HIRA: variants seen among roughly 807,000 people sequenced by gnomAD.
HIRA encodes histone cell cycle regulator.
In HIRA, 13 loss-of-function variants were observed where a neutral mutation model predicts 126.6. The observed-to-expected ratio is 0.10, with a 90% CI of 0.07 to 0.16. The LOEUF (loss-of-function observed/expected upper bound fraction) is 0.16. Among genes scored for constraint, HIRA ranks in the 10% least tolerant of loss-of-function variants. HIRA has a pLI of 1.00. For synonymous variants in HIRA, 511 were observed against 520.0 expected (o/e 0.98, Z 0.24); for missense variants, 834 against 1,314.4 (o/e 0.63, Z 5.65).
At chr22:19,416,237 G>C (rs1429732089) in intron 1 of HIRA, among the ~76,000 whole-genome samples, 1 of 152,208 alleles carries the variant, frequency 6.6e-6, no homozygotes, top group Admixed American at 6.5e-5. Flanking sequence ...ATGGATCAAA[G>C]ACCTGCATAT....
intron 14 of HIRA, 31 bp downstream of exon 14, chr22:19,377,838 G>C (rs561919247): frequency 6.5e-7 from 1 of 1,533,348 alleles, no homozygotes. Flanking sequence ...ACTTTCCCCA[G>C]GGACAGGAAC....
chr22:19,343,875 G>GA (rs782199273), intron 24 of HIRA, among the ~76,000 whole-genome samples: 8 of 79,886 alleles, frequency 1.0e-4, no homozygotes, highest in African/African-American at 2.6e-4. Context: ...ACAGTGAGGG[G>GA]AAAAAAAAAA....
chr22:19,415,727 T>C (rs2089391068), intron 1 of HIRA, among the ~76,000 whole-genome samples: 1 of 152,020 alleles, frequency 6.6e-6, no homozygotes, highest in South Asian at 2.1e-4. Flanking sequence ...AGGTGGAGGT[T>C]GCAGTGAGCC....
At chr22:19,335,231 AG>A (rs1205439452) in intron 24 of HIRA, among the ~76,000 whole-genome samples, 1 of 152,070 alleles carries the variant, frequency 6.6e-6, no homozygotes, top group Non-Finnish European at 1.5e-5. Flanking sequence ...TGGCTTAAAA[AG>A]GCAGAACTTT....
chr22:19,378,646 G>GCAAAATACA (rs1453427314), intron 13 of HIRA, among the ~76,000 whole-genome samples: 1 of 152,228 alleles, frequency 6.6e-6, no homozygotes, highest in Non-Finnish European at 1.5e-5. Context: ...AGTCATGTCT[G>GCAAAATACA]CAAAATACAA....
intron 21 of HIRA, among the ~76,000 whole-genome samples, chr22:19,354,806 T>C (rs11089271): frequency 0.016 from 2,435 of 152,268 alleles, 60 homozygotes; most frequent in African/African-American, 0.053. Context: ...CTTACTCTGC[T>C]GCCCAGGCTG....
rs2089140955 is a variant in HIRA, at chr22:19,387,878, G to A, written c.1008-62C>T. On this transcript the variant is annotated intron_variant, in intron 10 of 24. Coordinates refer to ENST00000263208, the MANE Select transcript of HIRA (RefSeq NM_003325.4). ...GCCCCAGGCAGACACATGTGCCGCAGTAGCTGGCCTGTGAGGATGGTGGGC... is the reference window on the plus strand; with the variant it reads ...GCCCCAGGCAGACACATGTGCCGCAATAGCTGGCCTGTGAGGATGGTGGGC... 1.7e-5 allele frequency: 19 copies of A among 1,149,950 alleles called. No homozygotes were observed. The East Asian group carries it at 5.6e-4, about 34-fold the overall frequency. The allele number at this position is 1,149,950 out of a possible 1,614,324, so 71.2% of individuals were successfully genotyped here. A position where few individuals can be genotyped will look rare whatever the true frequency, so the allele number is the denominator to read the frequency against.
chr22:19,423,313 C>G (rs2089462555), intron 1 of HIRA, among the ~76,000 whole-genome samples: 1 of 152,054 alleles, frequency 6.6e-6, no homozygotes, highest in Non-Finnish European at 1.5e-5. Context: ...AGGAAGCTCC[C>G]CTCCCACATC....
Position 19,353,352 on chromosome 22 carries a change from T to TC in HIRA, c.2848+3dup. On this transcript the variant is annotated splice_donor_region_variant and intron_variant, in intron 23 of 24. Transcript: ENST00000263208. ...AGGCTGCTCAGGGCTGCCAGGAGCC[T>TC]CACCTTCGTTTACGAGGTACCGTGC... 6.2e-7 allele frequency: 1 copy of TC among 1,612,492 alleles called. No homozygotes were observed. The highest frequency in any genetic ancestry group is 8.5e-7 in the Non-Finnish European group (1 of 1,179,984).
intron 22 of HIRA, 53 bp from the exon 23 acceptor site, chr22:19,353,572 C>T (rs1021105937): frequency 3.3e-6 from 5 of 1,515,144 alleles, no homozygotes; most frequent in East Asian, 2.3e-5. Context: ...TACACAGAGT[C>T]AGGAACTGCC....
chr22:19,363,021 G>C (rs1354922136), intron 15 of HIRA, among the ~76,000 whole-genome samples: 1 of 151,126 alleles, frequency 6.6e-6, no homozygotes, highest in Non-Finnish European at 1.5e-5. Flanking sequence ...ATCACCTGAG[G>C]TCAGGAGATT....
chr22:19,379,311 C>T (rs1196753638), intron 13 of HIRA, among the ~76,000 whole-genome samples: 2 of 151,228 alleles, frequency 1.3e-5, no homozygotes, highest in Non-Finnish European at 2.9e-5. Flanking sequence ...CGTGCCCGGC[C>T]GGCAGTTTTT....
intron 18 of HIRA, among the ~76,000 whole-genome samples, chr22:19,357,703 C>G (rs940808924): frequency 2.0e-5 from 3 of 152,178 alleles, no homozygotes; most frequent in Admixed American, 6.5e-5. Flanking sequence ...AGCTCAGACG[C>G]AGGCAGGGGT....
intron 24 of HIRA, among the ~76,000 whole-genome samples, chr22:19,334,467 A>G (rs1318645551): frequency 4.0e-5 from 6 of 150,588 alleles, no homozygotes; most frequent in East Asian, 4.2e-4. Context: ...TCTGGCCAAC[A>G]TGGCGAAACC....
In HIRA at chr22:19,355,740, C is replaced by T; in HGVS notation, c.2561+20G>A. The T allele has an allele frequency of 6.4e-7, 1 of 1,555,882 alleles. No homozygotes were observed. The highest frequency in any genetic ancestry group is 2.2e-5 in the East Asian group (1 of 44,582). On this transcript the variant is annotated intron_variant, in intron 21 of 24. Coordinates refer to ENST00000263208, the MANE Select transcript of HIRA (RefSeq NM_003325.4). ...ACAGACACTCTTCCAGGGAATAGGA[C>T]TGGGGGTCAGCTTGCTTACCATGTG...
intron 13 of HIRA, among the ~76,000 whole-genome samples, chr22:19,378,328 C>T (rs997678415): frequency 3.3e-4 from 51 of 152,338 alleles, no homozygotes; most frequent in Middle Eastern, 3.4e-3. Flanking sequence ...CTGTACAACA[C>T]ACCCAAATCT....
intron 12 of HIRA, among the ~76,000 whole-genome samples, chr22:19,383,930 C>A (rs1034254426): frequency 6.6e-6 from 1 of 152,042 alleles, no homozygotes; most frequent in Admixed American, 6.5e-5. Context: ...ACTTTATACC[C>A]TTTGGCTAAT....
intron 3 of HIRA, among the ~76,000 whole-genome samples, chr22:19,407,725 T>C (rs956346112): frequency 6.6e-6 from 1 of 152,220 alleles, no homozygotes; most frequent in African/African-American, 2.4e-5. Context: ...TCTGACTTCA[T>C]CTCATCTGTC....
At chr22:19,416,477 C>T (rs764437654) in intron 1 of HIRA, among the ~76,000 whole-genome samples, 4 of 152,012 alleles carry the variant, frequency 2.6e-5, no homozygotes, top group South Asian at 2.1e-4. Context: ...GGCACAACCA[C>T]GCCTGGTGCG....
Sources: gnomAD v4.1 joint callset for allele counts (sites outside exome capture counted in the v4.1 genomes callset) on GRCh38, gnomAD v4.1.1 for gene constraint, MANE v1.5 for transcripts, NCBI Gene and HGNC (gene_info 2026-07-23, HGNC 2026-07-21) for gene names.